MYRIP: variants seen among roughly 807,000 people sequenced by gnomAD.
The protein encoded by MYRIP is rab effector MyRIP.
MYRIP carries 49 observed loss-of-function variants against 98.0 expected under a neutral mutation model. The ratio of observed to expected loss-of-function variants is 0.50; its 90% CI spans 0.40 to 0.63. The LOEUF is 0.63. Ranked by LOEUF, MYRIP falls within the 30% of genes least tolerant of loss-of-function variation. MYRIP has a pLI of 0.00. For synonymous variants in MYRIP, 404 were observed against 409.5 expected, an observed-to-expected ratio of 0.99 and a Z score of 0.16; for missense variants, 1,004 against 1,058.2, an observed-to-expected ratio of 0.95 and a Z score of 0.71.
intron 11 of MYRIP, among the ~76,000 whole-genome samples, chr3:40,222,327 T>G (rs1952360285): frequency 6.6e-6 from 1 of 152,182 alleles, no homozygotes; most frequent in African/African-American, 2.4e-5. Context: ...GGTGGTAACC[T>G]CCGGGTGTTG....
chr3:40,191,016 A>G (rs904667405), intron 10 of MYRIP, among the ~76,000 whole-genome samples: 1 of 152,228 alleles, frequency 6.6e-6, no homozygotes, highest in Non-Finnish European at 1.5e-5. Context: ...ATAAAGAGCT[A>G]AGCTCTGTCT....
intron 3 of MYRIP, among the ~76,000 whole-genome samples, chr3:40,090,484 T>C (rs952688021): frequency 1.3e-5 from 2 of 152,144 alleles, no homozygotes; most frequent in Non-Finnish European, 2.9e-5. Context: ...AAAACCCTCG[T>C]TCCTTGTTGG....
At chr3:39,895,256 G>A (rs1396361884) in intron 1 of MYRIP, among the ~76,000 whole-genome samples, 1 of 151,360 alleles carries the variant, frequency 6.6e-6, no homozygotes, top group Admixed American at 6.6e-5. Flanking sequence ...GCGCGATCTC[G>A]GCTTACTGCA....
intron 2 of MYRIP, among the ~76,000 whole-genome samples, chr3:40,025,028 A>C (rs1947090312): frequency 1.3e-5 from 2 of 152,194 alleles, no homozygotes; most frequent in Admixed American, 1.3e-4. Context: ...CAAAAAAAGA[A>C]ACCAAGGTTT....
At chr3:39,859,816 C>G (rs1309315504) in intron 1 of MYRIP, among the ~76,000 whole-genome samples, 1 of 152,142 alleles carries the variant, frequency 6.6e-6, no homozygotes, top group Non-Finnish European at 1.5e-5. Context: ...CAACATCCTT[C>G]TGAGATTAGA....
At chr3:39,873,110 A>G (rs372679437) in intron 1 of MYRIP, among the ~76,000 whole-genome samples, 23 of 151,966 alleles carry the variant, frequency 1.5e-4, no homozygotes, top group African/African-American at 4.8e-4. Flanking sequence ...ATTTTTTCAT[A>G]TGTTTTTTGG....
chr3:39,827,874 G>T (rs1317439719), intron 1 of MYRIP, among the ~76,000 whole-genome samples: 1 of 137,982 alleles, frequency 7.2e-6, no homozygotes, highest in East Asian at 2.0e-4. Context: ...ATTCTTGATT[G>T]GCAGTTTTTT....
chr3:40,154,919 GATAA>G (rs1482220144), intron 4 of MYRIP, among the ~76,000 whole-genome samples: 3 of 152,028 alleles, frequency 2.0e-5, no homozygotes, highest in Non-Finnish European at 2.9e-5. Flanking sequence ...TTTAGTGTTA[GATAA>G]ATAAATGGGA....
intron 6 of MYRIP, 100 bp downstream of exon 6, chr3:40,167,043 C>T: frequency 7.3e-7 from 1 of 1,370,412 alleles, no homozygotes; most frequent in Non-Finnish European, 1.0e-6. Flanking sequence ...GTCCCAGCAG[C>T]TCTGACTAGA....
chr3:39,987,089 A>G (rs1469690314), intron 2 of MYRIP, among the ~76,000 whole-genome samples: 1 of 152,116 alleles, frequency 6.6e-6, no homozygotes, highest in African/African-American at 2.4e-5. Context: ...TGCTGCACCT[A>G]TCAACCCATC....
At chr3:40,082,421 T>A (rs753644214) in intron 3 of MYRIP, among the ~76,000 whole-genome samples, 27 of 152,208 alleles carry the variant, frequency 1.8e-4, no homozygotes, top group Non-Finnish European at 3.2e-4. Context: ...AAGTCTACAT[T>A]CAATTGATCA....
At chr3:39,938,773 G>C (rs1275580575) in intron 2 of MYRIP, among the ~76,000 whole-genome samples, 1 of 152,078 alleles carries the variant, frequency 6.6e-6, no homozygotes, top group Non-Finnish European at 1.5e-5. Context: ...CCAGAGTGCT[G>C]GAATTATAGG....
intron 3 of MYRIP, among the ~76,000 whole-genome samples, chr3:40,123,709 G>T (rs946321941): frequency 2.6e-5 from 4 of 152,208 alleles, no homozygotes; most frequent in Admixed American, 1.3e-4. Context: ...GCCTGGGGCA[G>T]ATAGTCTTGT....
intron 1 of MYRIP, among the ~76,000 whole-genome samples, chr3:39,855,359 T>C (rs746201751): frequency 3.3e-5 from 5 of 152,146 alleles, no homozygotes; most frequent in Admixed American, 1.3e-4. Flanking sequence ...GGTAATTATA[T>C]TGGTATCTCA....
intron 3 of MYRIP, among the ~76,000 whole-genome samples, chr3:40,112,351 C>T (rs376498473): frequency 6.6e-6 from 1 of 152,080 alleles, no homozygotes; most frequent in African/African-American, 2.4e-5. Flanking sequence ...CACACGTTGG[C>T]CCTAACAGTG....
intron 11 of MYRIP, among the ~76,000 whole-genome samples, chr3:40,218,318 G>C (rs1446853878): frequency 5.9e-5 from 9 of 151,704 alleles, no homozygotes; most frequent in African/African-American, 2.2e-4. Context: ...AGACTCAAAA[G>C]GTTACATACT....
chr3:39,872,799 C>T (rs960636978), intron 1 of MYRIP, among the ~76,000 whole-genome samples: 5 of 152,082 alleles, frequency 3.3e-5, no homozygotes, highest in African/African-American at 4.8e-5. Flanking sequence ...AATAAATATA[C>T]GTCTGTATGT....
At chr3:40,135,469 A>T (rs1374375551) in intron 3 of MYRIP, among the ~76,000 whole-genome samples, 2 of 152,246 alleles carry the variant, frequency 1.3e-5, no homozygotes, top group Admixed American at 1.3e-4. Flanking sequence ...GCAGGATATT[A>T]TCCAGGAGAA....
At position 39,971,432 on chromosome 3, in the gene MYRIP, A is replaced by C. The variant is rs147943107; in HGVS notation, c.110+70506A>C. Among the ~76,000 whole-genome samples, 1,418 of 152,158 alleles carry C rather than the reference A, an allele frequency of 9.3e-3. 23 individuals carry two copies. Among genetic ancestry groups the C allele is most frequent in the African/African-American group, 0.031 (1,304 of 41,548 alleles). ...ACAGTTACAATAGTATAGATAATAG[A>C]TAGTGTATATATTGATAGTCTAGAT... On this transcript the variant is annotated intron_variant, in intron 2 of 16. Transcript: ENST00000302541.
Sources: allele counts gnomAD v4.1 joint callset (sites outside exome capture counted in the v4.1 genomes callset), GRCh38; gene constraint gnomAD v4.1.1; transcripts MANE v1.5; gene names NCBI Gene and HGNC (gene_info 2026-07-23, HGNC 2026-07-21).